The following RNF111 variants were observed in gnomAD, a reference collection of about 807,000 sequenced individuals.
RNF111 encodes the protein ring finger protein 111, also known as E3 ubiquitin-protein ligase Arkadia.
A neutral mutation model predicts 95.1 loss-of-function variants in RNF111; 17 were observed. The observed-to-expected ratio is 0.18, with a 90% confidence interval of 0.12 to 0.27. The LOEUF is 0.27. RNF111 is among the 10% of genes least tolerant of loss of function. The probability of loss-of-function intolerance (pLI) is 1.00; values close to 1 mark genes in which losing one functional copy is unlikely to be tolerated. For synonymous variants in RNF111, 440 were observed against 414.8 expected, an observed-to-expected ratio of 1.06 and a Z score of -0.74; for missense variants, 1,189 against 1,210.4, an observed-to-expected ratio of 0.98 and a Z score of 0.26.
intron 1 of RNF111, among the ~76,000 whole-genome samples, chr15:58,994,011 A>G (rs1218127097): frequency 6.9e-6 from 1 of 145,198 alleles, no homozygotes; most frequent in Non-Finnish European, 1.5e-5. Context: ...ATCTTTTGAC[A>G]TCCCAATTTG....
chr15:59,040,079 C>T lies in RNF111; in HGVS notation c.880+8377C>T, dbSNP rs147431267. 2.5e-3 allele frequency among the ~76,000 whole-genome samples: 384 copies of T among 152,022 alleles called. 5 individuals carry two copies. Among genetic ancestry groups the T allele is most frequent in the African/African-American group, 8.1e-3 (335 of 41,462 alleles). On this transcript the variant is annotated intron_variant, in intron 2 of 13. Transcript: ENST00000348370. ...GGGAATTAAGGTGGTTTTTGCTCTGCTGGGTTGCCAATGCTTTTGGCTTTT... is the reference window on the plus strand; with the variant it reads ...GGGAATTAAGGTGGTTTTTGCTCTGTTGGGTTGCCAATGCTTTTGGCTTTT...
intron 5 of RNF111, among the ~76,000 whole-genome samples, chr15:59,060,324 T>G (rs576566577): frequency 6.6e-6 from 1 of 152,092 alleles, no homozygotes; most frequent in Non-Finnish European, 1.5e-5. Context: ...AAAAAAATCC[T>G]TGACATGGTG....
At chr15:59,018,453 G>T (rs2040174814) in intron 1 of RNF111, among the ~76,000 whole-genome samples, 1 of 151,968 alleles carries the variant, frequency 6.6e-6, no homozygotes, top group South Asian at 2.1e-4. Context: ...CAACAAAGTT[G>T]TGTTCTAATA....
chr15:59,025,127 C>A (rs997895123), intron 1 of RNF111, among the ~76,000 whole-genome samples: 1 of 152,164 alleles, frequency 6.6e-6, no homozygotes, highest in South Asian at 2.1e-4. Flanking sequence ...TGTTACGATC[C>A]GCCCTCCTCC....
At position 59,066,997 on chromosome 15, in the gene RNF111, G is replaced by T. The variant is rs1892894048; in HGVS notation, c.1600G>T (p.Asp534Tyr). 1 of 1,613,954 alleles carries T rather than the reference G, an allele frequency of 6.2e-7. No individual in the cohort carries two copies. Among genetic ancestry groups the T allele is most frequent in the Non-Finnish European group, 8.5e-7 (1 of 1,180,026 alleles). ...PAVPVSPSFS[D>Y]PACPVERPPQ... Reference sequence around the variant, plus strand: ...TGTCCCAGTTTCTCCTTCCTTTAGTGATCCTGCTTGCCCTGTGGAAAGACC... The same window carrying T: ...TGTCCCAGTTTCTCCTTCCTTTAGTTATCCTGCTTGCCCTGTGGAAAGACC... Residue 534 changes from aspartate to tyrosine, a missense_variant, in exon 6 of 14, where the codon GAT becomes TAT. Physicochemically the swap from Asp to Tyr is radical, Grantham distance 160. Around this residue, in one of 2 missense-constraint regions of RNF111, gnomAD observed 1,024 missense variants for 925.9 expected, o/e 1.11. Coordinates refer to ENST00000348370, the MANE Select transcript of RNF111 (RefSeq NM_017610.8).
rs537448936 is a variant in RNF111 at position 59,036,345 on chromosome 15, G to C, written c.880+4643G>C. 6.6e-5 allele frequency among the ~76,000 whole-genome samples: 10 copies of C among 152,212 alleles called. 1 individual carries two copies. Among genetic ancestry groups the C allele is most frequent in the African/African-American group, 2.4e-4 (10 of 41,536 alleles). On this transcript the variant is annotated intron_variant, in intron 2 of 13. Transcript: ENST00000348370. ...CAAAGTGCTGGGATTACAGGTTTGA[G>C]CCACCGCACCCGGCCAAGACTGGTA...
intron 1 of RNF111, among the ~76,000 whole-genome samples, chr15:58,991,570 G>C (rs1843986848): frequency 6.6e-6 from 1 of 152,170 alleles, no homozygotes; most frequent in Non-Finnish European, 1.5e-5. Context: ...TAGATTGAGT[G>C]GTTAGGGAGG....
At chr15:59,039,937 G>T (rs1163970803) in intron 2 of RNF111, among the ~76,000 whole-genome samples, 1 of 151,784 alleles carries the variant, frequency 6.6e-6, no homozygotes, top group Non-Finnish European at 1.5e-5. Context: ...GCATGGTCTC[G>T]ATCTCCTGAC....
chr15:59,052,139 G>A (rs2042015162), intron 2 of RNF111, among the ~76,000 whole-genome samples, 166 bp from the exon 3 acceptor site: 2 of 151,872 alleles, frequency 1.3e-5, no homozygotes, highest in South Asian at 4.2e-4. Flanking sequence ...CATTTTTACT[G>A]TGTGTGTTTT....
intron 11 of RNF111, among the ~76,000 whole-genome samples, chr15:59,090,305 C>T (rs1016968146): frequency 6.6e-6 from 1 of 152,328 alleles, no homozygotes; most frequent in Non-Finnish European, 1.5e-5. Context: ...TCTCAGCTCA[C>T]TGCAACCTGC....
At chr15:59,049,997 C>T (rs1380242402) in intron 2 of RNF111, among the ~76,000 whole-genome samples, 3 of 151,744 alleles carry the variant, frequency 2.0e-5, no homozygotes, top group East Asian at 1.9e-4. Flanking sequence ...GCCTCAGACT[C>T]CCAAAGTGCT....
chr15:59,063,427 C>T (rs996197687), intron 5 of RNF111, among the ~76,000 whole-genome samples: 1 of 152,076 alleles, frequency 6.6e-6, no homozygotes. Flanking sequence ...GAAGGCACTC[C>T]TAGGAGGCAC....
At chr15:59,042,838 C>T (rs2041532093) in intron 2 of RNF111, among the ~76,000 whole-genome samples, 1 of 152,052 alleles carries the variant, frequency 6.6e-6, no homozygotes, top group African/African-American at 2.4e-5. Context: ...TAATGTTTTC[C>T]TAGATATTGT....
chr15:59,034,091 C>G (rs2041052043), intron 2 of RNF111, among the ~76,000 whole-genome samples: 1 of 152,170 alleles, frequency 6.6e-6, no homozygotes, highest in Non-Finnish European at 1.5e-5. Context: ...TTCTTATCTC[C>G]TTCAGAAAAT....
At chr15:58,996,649 C>CTTTTTTTTTTTTTTTTTTTTT (rs60350601) in intron 1 of RNF111, among the ~76,000 whole-genome samples, 1 of 100,772 alleles carries the variant, frequency 9.9e-6, no homozygotes, top group Non-Finnish European at 2.0e-5. Flanking sequence ...TCAGTACTTT[C>CTTTTTTTTTTTTTTTTTTTTT]TTTTTTTTTT....
intron 1 of RNF111, among the ~76,000 whole-genome samples, chr15:59,027,123 G>T (rs2040652197): frequency 6.6e-6 from 1 of 152,116 alleles, no homozygotes. Context: ...TCTGGTTTTT[G>T]GCAAGTTTTC....
intron 1 of RNF111, among the ~76,000 whole-genome samples, chr15:59,029,951 T>C (rs1194674151): frequency 6.6e-6 from 1 of 152,236 alleles, no homozygotes; most frequent in Admixed American, 6.5e-5. Context: ...ATTTGTCACA[T>C]TTACTGCCTT....
intron 6 of RNF111, among the ~76,000 whole-genome samples, chr15:59,071,171 G>T (rs2042907274): frequency 6.6e-6 from 1 of 151,896 alleles, no homozygotes; most frequent in African/African-American, 2.4e-5. Context: ...GGTGGTGGGT[G>T]CCTGTAGTCC....
intron 7 of RNF111, among the ~76,000 whole-genome samples, chr15:59,080,167 C>T (rs190268506): frequency 1.9e-3 from 251 of 128,814 alleles, no homozygotes; most frequent in African/African-American, 7.3e-3. Flanking sequence ...GTCGCCCAGG[C>T]TGGGGTGCAG....
Sources: gnomAD v4.1 joint callset for allele counts (sites outside exome capture counted in the v4.1 genomes callset) on GRCh38, gnomAD v4.1.1 for gene constraint, gnomAD v4.1.1 regional missense constraint, MANE v1.5 for transcripts, NCBI Gene and HGNC (gene_info 2026-07-23, HGNC 2026-07-21) for gene names.